The following CHL1 variants were observed in gnomAD, a reference collection of about 807,000 sequenced individuals.
CHL1 encodes the protein cell adhesion molecule L1 like, also known as neural cell adhesion molecule L1-like protein.
CHL1 carries 96 observed loss-of-function variants against 141.9 expected under a neutral mutation model. That is an observed-to-expected ratio of 0.68 (90% confidence interval 0.57 to 0.80). The LOEUF is 0.80. Among genes scored for constraint, CHL1 ranks in the 30% least tolerant of loss-of-function variants. The pLI is 0.00. For synonymous variants in CHL1, 613 were observed against 502.2 expected, an observed-to-expected ratio of 1.22 and a Z score of -2.95; for missense variants, 1,820 against 1,457.2, an observed-to-expected ratio of 1.25 and a Z score of -4.05.
chr3:321,459 C>T (rs1437456180), intron 3 of CHL1, among the ~76,000 whole-genome samples: 2 of 152,016 alleles, frequency 1.3e-5, no homozygotes, highest in Admixed American at 1.3e-4. Flanking sequence ...TTTGAGTATG[C>T]AGTAGCAAGT....
chr3:325,303 T>A (rs36092261), intron 3 of CHL1, among the ~76,000 whole-genome samples: 20,852 of 152,050 alleles, frequency 0.14, 1,700 homozygotes, highest in African/African-American at 0.21. Context: ...TTTTTGTTAT[T>A]TGTGTATATA....
At chr3:382,715 G>C (rs1023709538) in intron 18 of CHL1, 44 bp downstream of exon 18, 2 of 1,537,298 alleles carry the variant, frequency 1.3e-6, no homozygotes, top group Non-Finnish European at 1.8e-6. Context: ...ATATTTGTTT[G>C]TCCCCATCTT....
intron 2 of CHL1, among the ~76,000 whole-genome samples, chr3:311,569 A>AT (rs1276824760): frequency 1.3e-5 from 2 of 152,064 alleles, no homozygotes; most frequent in African/African-American, 4.8e-5. Flanking sequence ...CATAATCCAA[A>AT]TATCACCTGG....
At chr3:302,902 C>T (rs367724149) in intron 2 of CHL1, among the ~76,000 whole-genome samples, 3 of 152,176 alleles carry the variant, frequency 2.0e-5, no homozygotes, top group East Asian at 1.9e-4. Flanking sequence ...TTTGACCTAT[C>T]TTGAGTTGAT....
intron 15 of CHL1, among the ~76,000 whole-genome samples, chr3:375,006 G>C (rs1706136013): frequency 6.6e-6 from 1 of 151,986 alleles, no homozygotes; most frequent in African/African-American, 2.4e-5. Flanking sequence ...TAAGTGCTGG[G>C]AACTGCCACT....
intron 2 of CHL1, among the ~76,000 whole-genome samples, chr3:294,717 A>G (rs904964766): frequency 2.0e-5 from 3 of 152,170 alleles, no homozygotes; most frequent in Admixed American, 6.5e-5. Flanking sequence ...AAACTAATAT[A>G]GTCAATATAA....
chr3:314,329 GTATATATATATATATATATATATATATA>G (rs56292297), intron 2 of CHL1, among the ~76,000 whole-genome samples: 3 of 65,342 alleles, frequency 4.6e-5, no homozygotes, highest in African/African-American at 1.1e-4. Flanking sequence ...CTCTCTATGT[GTATATATATATATATATATATATATATA>G]TATATATATA....
chr3:401,826 C>T (rs899680989), intron 27 of CHL1, 128 bp downstream of exon 27: 15 of 553,238 alleles, frequency 2.7e-5, no homozygotes, highest in Middle Eastern at 9.5e-4. Context: ...ATAAAGAATA[C>T]TTTGTACAAA....
chr3:247,187 T>A (rs781556248), intron 2 of CHL1: 1 of 151,856 alleles, frequency 6.6e-6, no homozygotes, highest in African/African-American at 2.4e-5. Flanking sequence ...GACACACAAA[T>A]CTACTGCTAG....
intron 1 of CHL1, among the ~76,000 whole-genome samples, chr3:220,911 C>T (rs1217999204): frequency 6.6e-6 from 1 of 152,140 alleles, no homozygotes; most frequent in Non-Finnish European, 1.5e-5. Context: ...TAAACATTTA[C>T]AATCAATTGT....
rs1191411773 is a variant in CHL1, at chr3:390,745, A to C, written c.2515A>C (p.Ser839Arg). The change falls in exon 21 of 28, where the codon AGT becomes CGT. Residue 839 changes from serine (S) to arginine (R), a missense_variant. Ser to Arg is a moderately radical substitution (Grantham distance 110). Transcript: ENST00000256509. Reference sequence around the variant, plus strand: ...GATCCATGGGGTGGACGTTATAAACAGTACATTAGTTAAAGTTACCTGGTC... The same window carrying C: ...GATCCATGGGGTGGACGTTATAAACCGTACATTAGTTAAAGTTACCTGGTC... ...PVIHGVDVIN[S>R]TLVKVTWSTV... The C allele has an allele frequency of 1.2e-6, 2 of 1,611,374 alleles. No homozygotes were observed. Among genetic ancestry groups the C allele is most frequent in the Non-Finnish European group, 1.7e-6 (2 of 1,177,492 alleles).
chr3:402,151 G>C (rs1709196468), intron 27 of CHL1, among the ~76,000 whole-genome samples: 1 of 152,202 alleles, frequency 6.6e-6, no homozygotes, highest in South Asian at 2.1e-4. Flanking sequence ...GCAAATGACT[G>C]TAATGAATTA....
Position 399,032 on chromosome 3 carries a change from A to T in CHL1, c.3269A>T (p.Tyr1090Phe), listed in dbSNP as rs144135642. ...TCTACCACAGAATATGCTGGTTTAT[A>T]TGATGACATCTCCACTCAAGGCTGG... ...ETRGREYAGL[Y>F]DDISTQGWFI... The change falls in exon 26 of 28, where the codon TAT (tyrosine) becomes TTT (phenylalanine). Residue 1090 changes from tyrosine to phenylalanine, a missense_variant. By Grantham distance (22) the Tyr-to-Phe change is conservative. Transcript: ENST00000256509. 1 of 1,613,382 alleles carries T rather than the reference A, an allele frequency of 6.2e-7. No individual in the cohort carries two copies. Among genetic ancestry groups the T allele is most frequent in the Non-Finnish European group, 8.5e-7 (1 of 1,179,438 alleles).
chr3:266,555 C>T (rs998548591), intron 2 of CHL1, among the ~76,000 whole-genome samples: 1 of 152,128 alleles, frequency 6.6e-6, no homozygotes, highest in Non-Finnish European at 1.5e-5. Context: ...TCTGTGAAAA[C>T]GTGAAGCTCC....
At chr3:360,826 G>A (rs1259470451) in intron 12 of CHL1, among the ~76,000 whole-genome samples, 1 of 143,344 alleles carries the variant, frequency 7.0e-6, no homozygotes, top group Non-Finnish European at 1.5e-5. Context: ...CCACCTATGA[G>A]TGAGAATATG....
chr3:291,441 T>C (rs907174643), intron 2 of CHL1, among the ~76,000 whole-genome samples: 1 of 150,600 alleles, frequency 6.6e-6, no homozygotes, highest in Admixed American at 6.7e-5. Context: ...TTTTCTCTTC[T>C]TTTCTTTTCT....
intron 2 of CHL1, among the ~76,000 whole-genome samples, chr3:258,208 C>T (rs1694360225): frequency 6.6e-6 from 1 of 152,178 alleles, no homozygotes; most frequent in Non-Finnish European, 1.5e-5. Flanking sequence ...TTTGAAAGGC[C>T]TCTCAGATTA....
intron 1 of CHL1, among the ~76,000 whole-genome samples, chr3:224,421 G>C (rs1574760272): frequency 6.6e-6 from 1 of 152,100 alleles, no homozygotes; most frequent in East Asian, 1.9e-4. Context: ...GGCCTGGTAG[G>C]AGAGGTGTTT....
At chr3:396,738 G>C (rs184554208) in intron 24 of CHL1, among the ~76,000 whole-genome samples, 10 of 152,236 alleles carry the variant, frequency 6.6e-5, no homozygotes, top group African/African-American at 2.4e-4. Flanking sequence ...CAGTATTCCA[G>C]CTAACTGCCC....
Sources: allele counts gnomAD v4.1 joint callset (sites outside exome capture counted in the v4.1 genomes callset), GRCh38; gene constraint gnomAD v4.1.1; transcripts MANE v1.5; gene names NCBI Gene and HGNC (gene_info 2026-07-23, HGNC 2026-07-21).